The following TMEM231 variants were observed in gnomAD, a reference collection of about 807,000 sequenced individuals.
TMEM231 encodes the protein transmembrane protein 231.
In TMEM231, 40 loss-of-function variants were observed where a neutral mutation model predicts 38.5. The observed-to-expected ratio is 1.04, with a 90% CI of 0.81 to 1.35. TMEM231 has a LOEUF of 1.35. TMEM231 is among the 40% of genes most tolerant of loss of function. The pLI, the probability that TMEM231 is intolerant of heterozygous loss-of-function variation, is 0.00. For missense variants in TMEM231, 420 were observed against 416.9 expected, an observed-to-expected ratio of 1.01 and a Z score of -0.07; for synonymous variants, 199 against 181.7, an observed-to-expected ratio of 1.10 and a Z score of -0.77.
Position 75,537,178 on chromosome 16 carries a change from T to C in TMEM231, c.*2816A>G, listed in dbSNP as rs575320907. The C allele has an allele frequency of 2.0e-5, 3 of 151,280 alleles. No homozygotes were observed. Among genetic ancestry groups the C allele is most frequent in the South Asian group, 4.2e-4 (2 of 4,772 alleles). The allele number at this position is 151,280 out of a possible 1,614,324, so 9.4% of individuals were successfully genotyped here. A position where few individuals can be genotyped will look rare whatever the true frequency, so the allele number is the denominator to read the frequency against. ...AAAAGAAAAACCACCTACTGGGTAC[T>C]ATGCTTATTACGTGGGTGATGAAAT... On this transcript the variant is annotated 3_prime_UTR_variant, in exon 7 of 7. Transcript: ENST00000258173.
chr16:75,542,626 C>A lies in TMEM231; in HGVS notation c.640G>T (p.Val214Phe). ...FAYDYDLTHIVAAYQERNVTT... is the reference protein window; with the variant it reads ...FAYDYDLTHIFAAYQERNVTT... Reference sequence around the variant, plus strand: ...CCGTTCCTCTCCTGGTAGGCAGCAACAATATGGGTGAGGTCGTAGTCATAG... The same window carrying A: ...CCGTTCCTCTCCTGGTAGGCAGCAAAAATATGGGTGAGGTCGTAGTCATAG... Residue 214 changes from valine to phenylalanine, a missense_variant, in exon 5 of 7, where the codon GTT becomes TTT. Physicochemically the swap from Val to Phe is conservative, Grantham distance 50 (BLOSUM62 -1). Transcript: ENST00000258173. 1 of 1,613,870 alleles carries A rather than the reference C, an allele frequency of 6.2e-7. No individual in the cohort carries two copies. The highest frequency in any genetic ancestry group is 8.5e-7 in the Non-Finnish European group (1 of 1,179,866).
In TMEM231 at chr16:75,545,408, G is replaced by A. The variant is rs775613602; in HGVS notation, c.526C>T (p.Leu176=). The A allele has an allele frequency of 6.2e-6, 10 of 1,611,952 alleles. No homozygotes were observed. In the East Asian group the frequency reaches 2.0e-4, roughly 32 times the overall value. The part of the protein sequence containing the change: ...PGSQLYVNGD[L]RLQQKQPLSC... ...AGCGGCTGCTTCTGCTGCAGCCTCA[G>A]GTCTCCGTTCACGTATAACTGGGAT... The change falls in exon 4 of 7, where the codon CTG becomes TTG. Residue 176 remains leucine (L), a synonymous_variant. Transcript: ENST00000258173.
chr16:75,540,348 T>G (rs143195745), intron 6 of TMEM231, among the ~76,000 whole-genome samples, 174 bp from the exon 7 acceptor site: 6 of 152,296 alleles, frequency 3.9e-5, no homozygotes, highest in African/African-American at 1.4e-4. Flanking sequence ...CACATTTGAT[T>G]TGAGCTATTT....
In TMEM231 at chr16:75,541,380, G is replaced by A; in HGVS notation, c.740C>T (p.Ala247Val). 1 of 1,611,826 alleles carries A rather than the reference G, an allele frequency of 6.2e-7. No homozygotes were observed. Among genetic ancestry groups the A allele is most frequent in the Non-Finnish European group, 8.5e-7 (1 of 1,178,688 alleles). The stretch of plus-strand genomic sequence containing the variant: ...GACTTCCACAGGGTATCGGATGATA[G>A]CATTAATCACAAATGGAGCATCTGC... ...RAADAPFVINAIIRYPVEVIS... is the reference protein window; with the variant it reads ...RAADAPFVINVIIRYPVEVIS... Residue 247 changes from alanine (A) to valine (V), a missense_variant, in exon 6 of 7, where the codon GCT (alanine) becomes GTT (valine). By Grantham distance (64) the Ala-to-Val change is moderately conservative (BLOSUM62 0). Transcript: ENST00000258173.
intron 2 of TMEM231, 25 bp downstream of exon 2, chr16:75,555,779 C>T: frequency 6.7e-7 from 1 of 1,502,500 alleles, no homozygotes; most frequent in South Asian, 1.3e-5. Flanking sequence ...CGACTCTGCC[C>T]CAGGCCCAGG....
chr16:75,545,677 T>C (rs1567436670), intron 3 of TMEM231, 149 bp downstream of exon 3: 1 of 562,598 alleles, frequency 1.8e-6, no homozygotes, highest in Non-Finnish European at 2.9e-6. Context: ...ATATGACTAG[T>C]GAAAACCATT....
chr16:75,542,330 A>G (rs2080636675), intron 5 of TMEM231, among the ~76,000 whole-genome samples: 1 of 151,970 alleles, frequency 6.6e-6, no homozygotes, highest in Admixed American at 6.6e-5. Context: ...ATTTTTTAAA[A>G]GAGAAACCCA....
Position 75,539,191 on chromosome 16 carries a change from G to T in TMEM231, c.*803C>A, listed in dbSNP as rs1012970180. ...TGCCCAGGCTGTTGGGTGAGGGCCA[G>T]AAAGAACCTGTTGTGACAATGCTTT... is the stretch of plus-strand genomic sequence containing the variant. On this transcript the variant is annotated 3_prime_UTR_variant, in exon 7 of 7. Coordinates refer to ENST00000258173, the MANE Select transcript of TMEM231 (RefSeq NM_001077418.3). 1 of 151,906 alleles carries T rather than the reference G, an allele frequency of 6.6e-6. No homozygotes were observed. The highest frequency in any genetic ancestry group is 2.4e-5 in the African/African-American group (1 of 41,398). The allele number at this position is 151,906 out of a possible 1,614,324, so 9.4% of individuals were successfully genotyped here. A position where few individuals can be genotyped will look rare whatever the true frequency, so the allele number is the denominator to read the frequency against.
chr16:75,549,264 G>A (rs2080728251), intron 2 of TMEM231, among the ~76,000 whole-genome samples: 1 of 152,144 alleles, frequency 6.6e-6, no homozygotes, highest in Non-Finnish European at 1.5e-5. Context: ...ATGTGCAATA[G>A]CTAACAAAGG....
At chr16:75,551,836 C>G (rs556818553) in intron 2 of TMEM231, among the ~76,000 whole-genome samples, 15 of 152,012 alleles carry the variant, frequency 9.9e-5, no homozygotes, top group African/African-American at 2.9e-4. Context: ...GTGGTGCCTG[C>G]CTGTAATCCC....
intron 2 of TMEM231, among the ~76,000 whole-genome samples, chr16:75,547,350 C>G (rs1369381820): frequency 1.3e-5 from 2 of 152,208 alleles, no homozygotes; most frequent in Non-Finnish European, 2.9e-5. Flanking sequence ...CAGAAACTTT[C>G]AATTATTTCT....
chr16:75,552,974 A>C (rs1296918203), intron 2 of TMEM231, among the ~76,000 whole-genome samples: 1 of 152,154 alleles, frequency 6.6e-6, no homozygotes, highest in African/African-American at 2.4e-5. Context: ...GGAAAAAGTC[A>C]CTCTGCTTTT....
At position 75,555,464 on chromosome 16, in the gene TMEM231, C is replaced by G. The variant is rs367992969; in HGVS notation, c.309+340G>C. On this transcript the variant is annotated intron_variant, in intron 2 of 6. Transcript: ENST00000258173. Reference sequence around the variant, plus strand: ...TAACAGCGCGCGGCCTTCCAGGCTCCTAAATGGACTTTCACAAACACCCTC... The same window carrying G: ...TAACAGCGCGCGGCCTTCCAGGCTCGTAAATGGACTTTCACAAACACCCTC... 3.4e-4 allele frequency: 106 copies of G among 308,058 alleles called. 2 individuals carry two copies. In the South Asian group the frequency reaches 0.013, roughly 38 times the overall value. 19.1% of individuals were successfully genotyped at this position (308,058 alleles called of 1,614,324 possible). A position where few individuals can be genotyped will look rare whatever the true frequency, so the allele number is the denominator to read the frequency against.
At chr16:75,541,130 C>T (rs1367257616) in intron 6 of TMEM231, among the ~76,000 whole-genome samples, 2 of 151,922 alleles carry the variant, frequency 1.3e-5, no homozygotes, top group Admixed American at 1.3e-4. Context: ...CCTCCTGCCT[C>T]GGCATCCCAA....
chr16:75,542,132 A>C, intron 5 of TMEM231: 1 of 168,640 alleles, frequency 5.9e-6, no homozygotes, highest in Non-Finnish European at 1.3e-5. Context: ...AGAGCTCTGT[A>C]AGGAATAAGC....
intron 2 of TMEM231, among the ~76,000 whole-genome samples, chr16:75,554,099 C>T (rs529966831): frequency 6.6e-6 from 1 of 152,176 alleles, no homozygotes. Context: ...CTATTCACAA[C>T]TCTGATAACA....
At chr16:75,542,191 G>T (rs1377704937) in intron 5 of TMEM231, 2 of 189,362 alleles carry the variant, frequency 1.1e-5, no homozygotes, top group African/African-American at 2.4e-5. Flanking sequence ...TCTCCTGCTG[G>T]ACTGCTAATG....
At chr16:75,552,377 TG>T (rs574118016) in intron 2 of TMEM231, among the ~76,000 whole-genome samples, 100 of 151,986 alleles carry the variant, frequency 6.6e-4, no homozygotes, top group Non-Finnish European at 1.2e-3. Flanking sequence ...CTCTTGAACC[TG>T]GGGGGCGGAG....
chr16:75,556,183 G>C lies in TMEM231; in HGVS notation c.27C>G (p.His9Gln). The C allele has an allele frequency of 1.3e-6, 2 of 1,520,592 alleles. No individual in the cohort carries two copies. Among genetic ancestry groups the C allele is most frequent in the South Asian group, 1.3e-5 (1 of 78,342 alleles). The allele number at this position is 1,520,592 out of a possible 1,614,324, so 94.2% of individuals were successfully genotyped here. Residue 9 changes from histidine (H) to glutamine (Q), a missense_variant, in exon 1 of 7, where the codon CAC (histidine) becomes CAG (glutamine). Transcript: ENST00000258173. Reference sequence around the variant, plus strand: ...CCGCGCGGTAACTGCGCTCGACCGGGTGAGAGAAGAGCTCATAGAGCGCCA... The same window carrying C: ...CCGCGCGGTAACTGCGCTCGACCGGCTGAGAGAAGAGCTCATAGAGCGCCA... MALYELFS[H>Q]PVERSYRAGL... is the part of the protein sequence containing the mutation.
Sources: gnomAD v4.1 joint callset for allele counts (sites outside exome capture counted in the v4.1 genomes callset) on GRCh38, gnomAD v4.1.1 for gene constraint, MANE v1.5 for transcripts, NCBI Gene and HGNC (gene_info 2026-07-23, HGNC 2026-07-21) for gene names.